FBF1: variants seen among roughly 807,000 people sequenced by gnomAD.
FBF1 encodes Fas binding factor 1, also known as fas-binding factor 1.
FBF1 carries 119 observed loss-of-function variants against 147.2 expected under a neutral mutation model. That is an observed-to-expected ratio of 0.81 (90% CI 0.70 to 0.94). The LOEUF (loss-of-function observed/expected upper bound fraction) is 0.94. Among genes scored for constraint, FBF1 ranks in the 40% least tolerant of loss-of-function variants. FBF1 has a pLI of 0.00. For synonymous variants in FBF1, 601 were observed against 609.0 expected, an observed-to-expected ratio of 0.99 and a Z score of 0.19; for missense variants, 1,449 against 1,500.8, an observed-to-expected ratio of 0.97 and a Z score of 0.57.
chr17:75,935,230 C>T (rs1319327114), intron 4 of FBF1, among the ~76,000 whole-genome samples: 1 of 150,076 alleles, frequency 6.7e-6, no homozygotes, highest in East Asian at 1.9e-4. Flanking sequence ...AGTGGTGCAA[C>T]GTTGGCTCAC....
At position 75,910,380 on chromosome 17, in the gene FBF1, T is replaced by C. The variant is rs2065449927; in HGVS notation, c.*343A>G. 1 of 348,398 alleles carries C rather than the reference T, an allele frequency of 2.9e-6. No homozygotes were observed. Among genetic ancestry groups the C allele is most frequent in the African/African-American group, 2.1e-5 (1 of 48,020 alleles). The allele number at this position is 348,398 out of a possible 1,614,324, so 21.6% of individuals were successfully genotyped here. ...AAAAGAGCCCACAACAGTCTACCTG[T>C]GGAGCAGGGGGAGCCCACAGAGCCC... On this transcript the variant is annotated 3_prime_UTR_variant, in exon 30 of 30. Coordinates refer to ENST00000636174, the MANE Select transcript of FBF1 (RefSeq NM_001319193.2). This position sits in a 1 kb window ranked among gnomAD's most constrained non-coding sequence, Gnocchi z 4.1.
chr17:75,927,594 A>G (rs1284551797), intron 8 of FBF1, 62 bp from the exon 9 acceptor site: 3 of 1,483,428 alleles, frequency 2.0e-6, no homozygotes, highest in Non-Finnish European at 2.8e-6. Context: ...TCCTCCTCCC[A>G]TATCATGGAC....
At position 75,937,863 on chromosome 17, in the gene FBF1, C is replaced by T. The variant is rs574718678; in HGVS notation, c.4-270G>A. 13 of 627,086 alleles carry T rather than the reference C, an allele frequency of 2.1e-5. No homozygotes were observed. In the East Asian group the frequency reaches 2.5e-4, roughly 12 times the overall value. The allele number at this position is 627,086 out of a possible 1,614,324, so 38.8% of individuals were successfully genotyped here. On this transcript the variant is annotated intron_variant, in intron 2 of 29. Coordinates refer to ENST00000636174, the MANE Select transcript of FBF1 (RefSeq NM_001319193.2). ...GACACGACATGCAAACCCTCCCAGC[C>T]GAGATGTCATGTGACCGGAAATGTC...
intron 5 of FBF1, among the ~76,000 whole-genome samples, chr17:75,931,644 C>T (rs888133563): frequency 2.6e-5 from 4 of 151,886 alleles, no homozygotes; most frequent in South Asian, 2.1e-4. Context: ...ATTAGCCAGG[C>T]GTGGTGGCGG....
At position 75,926,373 on chromosome 17, in the gene FBF1, A is replaced by C. The variant is rs1422413507; in HGVS notation, c.649T>G (p.Leu217Val). ...ATGTCATCCCCATCATCAAACAACAATTCTTCTTTTTTTCGGATGGGGGTG... is the reference window on the plus strand; with the variant it reads ...ATGTCATCCCCATCATCAAACAACACTTCTTCTTTTTTTCGGATGGGGGTG... Reference protein sequence around the residue: ...GDTPIRKKEELLFDDGDDIMA... With the variant: ...GDTPIRKKEEVLFDDGDDIMA... Residue 217 changes from leucine (L) to valine (V), a missense_variant, in exon 11 of 30, where the codon TTG becomes GTG. Leu to Val is a conservative substitution (Grantham distance 32). Transcript: ENST00000636174. 27 of 1,609,474 alleles carry C rather than the reference A, an allele frequency of 1.7e-5. No homozygotes were observed. Among genetic ancestry groups the C allele is most frequent in the Non-Finnish European group, 2.2e-5 (26 of 1,178,016 alleles).
chr17:75,929,869 C>T (rs1209952375), intron 7 of FBF1, 128 bp downstream of exon 7: 10 of 840,142 alleles, frequency 1.2e-5, no homozygotes, highest in Non-Finnish European at 1.7e-5. Flanking sequence ...CATGCTTGCA[C>T]GAGGAAGGGC....
At chr17:75,911,236 C>T (rs2065455083) in intron 29 of FBF1, among the ~76,000 whole-genome samples, 1 of 152,146 alleles carries the variant, frequency 6.6e-6, no homozygotes, top group South Asian at 2.1e-4. Context: ...GCCGAGGCAA[C>T]ATCGTGAGAC....
intron 10 of FBF1, among the ~76,000 whole-genome samples, 158 bp downstream of exon 10, chr17:75,926,600 A>G (rs1436314013): frequency 6.6e-6 from 1 of 152,090 alleles, no homozygotes; most frequent in Non-Finnish European, 1.5e-5. Context: ...CACACGTCCT[A>G]CCTTCCTATT....
Position 75,919,585 on chromosome 17 carries a change from A to C in FBF1, c.2138+83T>G, listed in dbSNP as rs2065510493. ...ACCCCTGTCCAAAGGCTGCTGAGCC[A>C]CAGCGAAGGGTCTCGTGGGGATGGC... On this transcript the variant is annotated intron_variant, in intron 20 of 29. Coordinates refer to ENST00000636174, the MANE Select transcript of FBF1 (RefSeq NM_001319193.2). This position sits in a 1 kb window ranked among gnomAD's most constrained non-coding sequence, Gnocchi z 5.0. The C allele has an allele frequency of 8.2e-6, 12 of 1,465,144 alleles. No homozygotes were observed. Among genetic ancestry groups the C allele is most frequent in the African/African-American group, 1.4e-5 (1 of 71,540 alleles). The allele number at this position is 1,465,144 out of a possible 1,614,324, so 90.8% of individuals were successfully genotyped here. A position where few individuals can be genotyped will look rare whatever the true frequency, so the allele number is the denominator to read the frequency against.
Position 75,923,323 on chromosome 17 carries a change from G to T in FBF1, c.1287C>A (p.Ala429=). The T allele has an allele frequency of 6.3e-7, 1 of 1,599,366 alleles. No homozygotes were observed. Among genetic ancestry groups the T allele is most frequent in the East Asian group, 2.3e-5 (1 of 44,344 alleles). The part of the protein sequence containing the change: ...AKASQASKLR[A]SKEEKEDWLS... ...GCCAGTCCTCTTTCTCCTCCTTGGA[G>T]GCTCGCAGCTTGGAAGCCTGGCTGG... The change falls in exon 14 of 30, where the codon GCC becomes GCA. Residue 429 remains alanine, a synonymous_variant. Transcript: ENST00000636174. This position sits in a 1 kb window ranked among gnomAD's most constrained non-coding sequence, Gnocchi z 4.1.
rs570978028 is a variant in FBF1, at chr17:75,936,119, C to T, written c.32-446G>A. On this transcript the variant is annotated intron_variant, in intron 3 of 29. Coordinates refer to ENST00000636174, the MANE Select transcript of FBF1 (RefSeq NM_001319193.2). Reference sequence around the variant, plus strand: ...CCTGAAGTCAGGAGTTCGAGACCAGCCTGGCTAACACAGTGAAACCCTGTC... The same window carrying T: ...CCTGAAGTCAGGAGTTCGAGACCAGTCTGGCTAACACAGTGAAACCCTGTC... Among the ~76,000 whole-genome samples the T allele has an allele frequency of 3.3e-5, 5 of 152,308 alleles. No individual in the cohort carries two copies. The East Asian group carries it at 9.6e-4, about 29-fold the overall frequency.
At chr17:75,913,608 C>G in intron 28 of FBF1, 94 bp downstream of exon 28, 1 of 963,174 alleles carries the variant, frequency 1.0e-6, no homozygotes, top group Non-Finnish European at 1.5e-6. Context: ...CAGCTGGCCG[C>G]CTTAACTGGA....
chr17:75,921,517 C>G lies in FBF1; in HGVS notation c.1570G>C (p.Gly524Arg). The change falls in exon 16 of 30, where the codon GGT becomes CGT. Residue 524 changes from glycine (G) to arginine (R), a missense_variant. Coordinates refer to ENST00000636174, the MANE Select transcript of FBF1 (RefSeq NM_001319193.2). Reference sequence around the variant, plus strand: ...GGGGCTGTTCCCCTCTTTGGGGAACCTGTAGGGAGTGCTGAGGCGGCATGG... The same window carrying G: ...GGGGCTGTTCCCCTCTTTGGGGAACGTGTAGGGAGTGCTGAGGCGGCATGG... ...QNHAASALPT[G>R]SPKRGTAPGD... 6.2e-7 allele frequency: 1 copy of G among 1,613,162 alleles called. No homozygotes were observed. Among genetic ancestry groups the G allele is most frequent in the Non-Finnish European group, 8.5e-7 (1 of 1,179,626 alleles).
At chr17:75,940,154 G>C (rs1233152325) in intron 1 of FBF1, among the ~76,000 whole-genome samples, 1 of 151,800 alleles carries the variant, frequency 6.6e-6, no homozygotes, top group African/African-American at 2.4e-5. Context: ...CTGTTGGCCA[G>C]GAGGTCTCGA....
chr17:75,922,093 C>G lies in FBF1; in HGVS notation c.1425-47G>C, dbSNP rs1025752842. 3 of 1,510,696 alleles carry G rather than the reference C, an allele frequency of 2.0e-6. No individual in the cohort carries two copies. Among genetic ancestry groups the G allele is most frequent in the Admixed American group, 2.0e-5 (1 of 50,700 alleles). 93.6% of individuals were successfully genotyped at this position (1,510,696 alleles called of 1,614,324 possible). A position where few individuals can be genotyped will look rare whatever the true frequency, so the allele number is the denominator to read the frequency against. On this transcript the variant is annotated intron_variant, in intron 14 of 29. Coordinates refer to ENST00000636174, the MANE Select transcript of FBF1 (RefSeq NM_001319193.2). This position sits in a 1 kb window ranked among gnomAD's most constrained non-coding sequence, Gnocchi z 5.0. Reference sequence around the variant, plus strand: ...GGTGAAGGTGACAGAAGGCCCAGGTCAGGCTGGATGAAGACAGGGCCCAGG... The same window carrying G: ...GGTGAAGGTGACAGAAGGCCCAGGTGAGGCTGGATGAAGACAGGGCCCAGG...
chr17:75,919,800 G>A lies in FBF1; in HGVS notation c.2006C>T (p.Ser669Leu). 2.0e-5 allele frequency: 33 copies of A among 1,613,828 alleles called. No individual in the cohort carries two copies. Among genetic ancestry groups the A allele is most frequent in the East Asian group, 4.5e-5 (2 of 44,888 alleles). Residue 669 changes from serine (S) to leucine (L), a missense_variant, in exon 20 of 30, where the codon TCA becomes TTA. Coordinates refer to ENST00000636174, the MANE Select transcript of FBF1 (RefSeq NM_001319193.2). The surrounding 1 kb of genome is among the most constrained non-coding windows in gnomAD (Gnocchi z 5.0). Reference sequence around the variant, plus strand: ...CTGGCACTGCGACAGATACCGAGCTGACAGCTCTTCGTTCTCTCTCCGGAG... The same window carrying A: ...CTGGCACTGCGACAGATACCGAGCTAACAGCTCTTCGTTCTCTCTCCGGAG... ...ERLRRENEEL[S>L]ARYLSQCQEA... is the part of the protein sequence containing the mutation.
rs1380237421 is a variant in FBF1 at position 75,919,816 on chromosome 17, C to G, written c.1990G>C (p.Glu664Gln). The G allele has an allele frequency of 6.2e-7, 1 of 1,613,826 alleles. No homozygotes were observed. The highest frequency in any genetic ancestry group is 2.2e-5 in the East Asian group (1 of 44,884). Residue 664 changes from glutamate to glutamine, a missense_variant, in exon 20 of 30, where the codon GAG becomes CAG. By Grantham distance (29) the Glu-to-Gln change is conservative. Coordinates refer to ENST00000636174, the MANE Select transcript of FBF1 (RefSeq NM_001319193.2). This position sits in a 1 kb window ranked among gnomAD's most constrained non-coding sequence, Gnocchi z 5.0. ...YQQREERLRRENEELSARYLS... is the reference protein window; with the variant it reads ...YQQREERLRRQNEELSARYLS... ...TACCGAGCTGACAGCTCTTCGTTCT[C>G]TCTCCGGAGCCGCTCCTCCCGTTGC... is the stretch of plus-strand genomic sequence containing the variant.
At chr17:75,921,429 C>T (rs1372406689) in intron 16 of FBF1, 43 bp downstream of exon 16, 3 of 1,585,308 alleles carry the variant, frequency 1.9e-6, no homozygotes, top group Admixed American at 1.8e-5. Context: ...TCTTCCTCAC[C>T]CAGGGTTAAA....
At chr17:75,937,866 G>T in intron 2 of FBF1, 1 of 625,994 alleles carries the variant, frequency 1.6e-6, no homozygotes, top group South Asian at 1.9e-5. Flanking sequence ...TCCCAGCCGA[G>T]ATGTCATGTG....
Sources: gnomAD v4.1 joint callset for allele counts (sites outside exome capture counted in the v4.1 genomes callset) on GRCh38, gnomAD v4.1.1 for gene constraint, Gnocchi (gnomAD v3.1) non-coding constraint, MANE v1.5 for transcripts, NCBI Gene and HGNC (gene_info 2026-07-23, HGNC 2026-07-21) for gene names.